The following URB1 variants were observed in gnomAD, a reference collection of about 807,000 sequenced individuals.
The protein encoded by URB1 is URB1 ribosome biogenesis factor.
Under a neutral mutation model 242.3 loss-of-function variants are expected in URB1, and 197 were observed. The observed-to-expected ratio is 0.81, with a 90% CI of 0.72 to 0.91. The LOEUF (loss-of-function observed/expected upper bound fraction) is 0.91. Among genes scored for constraint, URB1 ranks in the 40% least tolerant of loss-of-function variants. The probability of loss-of-function intolerance (pLI) is 0.00; values close to 1 mark genes in which losing one functional copy is unlikely to be tolerated. For missense variants in URB1, 2,721 were observed against 2,860.5 expected (o/e 0.95, Z 1.11); for synonymous variants, 1,153 against 1,201.8 (o/e 0.96, Z 0.84).
chr21:32,344,525 T>C (rs935147790), intron 24 of URB1, 45 bp downstream of exon 24: 19 of 1,539,744 alleles, frequency 1.2e-5, no homozygotes, highest in Non-Finnish European at 1.6e-5. Flanking sequence ...TAGCATACTC[T>C]TTCCCACAGA....
chr21:32,340,089 T>C (rs1002296505), intron 25 of URB1, among the ~76,000 whole-genome samples: 7 of 152,190 alleles, frequency 4.6e-5, no homozygotes, highest in African/African-American at 1.7e-4. Flanking sequence ...GAAAGAAATA[T>C]CATAATTCTG....
intron 5 of URB1, among the ~76,000 whole-genome samples, chr21:32,375,805 G>A (rs576576866): frequency 6.6e-5 from 10 of 152,040 alleles, no homozygotes; most frequent in African/African-American, 2.2e-4. Flanking sequence ...AATTAGCTGG[G>A]TATGGTGGTG....
intron 15 of URB1, 30 bp downstream of exon 15, chr21:32,357,507 C>T: frequency 1.4e-6 from 2 of 1,471,644 alleles, no homozygotes; most frequent in Non-Finnish European, 9.0e-7. Context: ...AAATGCTTTT[C>T]AGAGTTAGAA....
chr21:32,368,430 C>T lies in URB1; in HGVS notation c.1170G>A (p.Trp390Ter), dbSNP rs554977626. The change falls in exon 9 of 39, where the codon TGG becomes TGA. Residue 390 changes from tryptophan to a stop codon, truncating the protein, a stop_gained. Coordinates refer to ENST00000382751, the MANE Select transcript of URB1 (RefSeq NM_014825.3). LOFTEE classifies it high-confidence loss of function. Reference sequence around the variant, plus strand: ...TGTTTAGTAGTTTGATATTATTTAACCAAGTAGACTTCGCTCGTGGGATAA... The same window carrying T: ...TGTTTAGTAGTTTGATATTATTTAATCAAGTAGACTTCGCTCGTGGGATAA... ...FSFIPRAKST[W>*]LNNIKLLNKI... 1.1e-4 allele frequency: 170 copies of T among 1,548,102 alleles called. No homozygotes were observed. Among genetic ancestry groups the T allele is most frequent in the Non-Finnish European group, 1.4e-4 (165 of 1,145,808 alleles).
At chr21:32,368,053 GC>G (rs917467106) in intron 9 of URB1, among the ~76,000 whole-genome samples, 4 of 152,130 alleles carry the variant, frequency 2.6e-5, no homozygotes, top group African/African-American at 9.6e-5. Context: ...AACTCCCTAT[GC>G]CCCCCTACCT....
At chr21:32,372,398 T>C (rs1791256051) in intron 8 of URB1, 109 bp downstream of exon 8, 6 of 1,364,176 alleles carry the variant, frequency 4.4e-6, no homozygotes, top group Non-Finnish European at 5.8e-6. Context: ...AGTTAGATAA[T>C]GTCCACAATT....
intron 1 of URB1, 90 bp from the exon 2 acceptor site, chr21:32,385,774 T>G: frequency 2.7e-6 from 4 of 1,487,566 alleles, no homozygotes; most frequent in Non-Finnish European, 3.6e-6. Flanking sequence ...CCCTATTCTG[T>G]GACCTTCCCC....
At position 32,347,079 on chromosome 21, in the gene URB1, C is replaced by G. The variant is rs776416677; in HGVS notation, c.3745G>C (p.Glu1249Gln). 2 of 1,550,440 alleles carry G rather than the reference C, an allele frequency of 1.3e-6. No individual in the cohort carries two copies. The highest frequency in any genetic ancestry group is 1.2e-5 in the South Asian group (1 of 84,002). ...GGGCCAGCCTGCAGGCACCACTGCT[C>G]GAACCACAGCAAGTGGGTGCAGCTC... ...QESCTHLLWF[E>Q]QWCLQAGPGL... Residue 1249 changes from glutamate to glutamine, a missense_variant, in exon 22 of 39, where the codon GAG becomes CAG. Transcript: ENST00000382751.
chr21:32,315,859 C>A (rs926128187), intron 38 of URB1, among the ~76,000 whole-genome samples: 11 of 152,172 alleles, frequency 7.2e-5, no homozygotes, highest in Non-Finnish European at 1.3e-4. Context: ...AGGCTGCCAG[C>A]CCCTCCCTCC....
rs745892630 is a variant in URB1 at position 32,353,940 on chromosome 21, A to G, written c.2409T>C (p.Asn803=). The part of the protein sequence containing the change: ...ARNKLLLGTG[N]EAAENVVTYL... ...CTGACTATACATAGGTACCTGCTTC[A>G]TTGCCTGTCCCAAGGAGCAACTTAT... The change falls in exon 18 of 39, where the codon AAT becomes AAC. Residue 803 remains asparagine, a synonymous_variant. Transcript: ENST00000382751. 8.4e-6 allele frequency: 13 copies of G among 1,551,580 alleles called. No individual in the cohort carries two copies. Among genetic ancestry groups the G allele is most frequent in the African/African-American group, 1.4e-5 (1 of 73,030 alleles).
chr21:32,323,240 T>A (rs1417122212), intron 32 of URB1, among the ~76,000 whole-genome samples: 1 of 152,170 alleles, frequency 6.6e-6, no homozygotes, highest in African/African-American at 2.4e-5. Flanking sequence ...ATCCATGGAA[T>A]AAAATGAAAT....
intron 1 of URB1, among the ~76,000 whole-genome samples, chr21:32,386,840 T>TAC (rs1555842933): frequency 6.6e-6 from 1 of 152,112 alleles, no homozygotes; most frequent in Non-Finnish European, 1.5e-5. Context: ...TGTCCAAAGG[T>TAC]ACACAGCTTA....
chr21:32,323,158 A>G (rs1375296090), intron 32 of URB1, among the ~76,000 whole-genome samples: 1 of 152,240 alleles, frequency 6.6e-6, no homozygotes, highest in African/African-American at 2.4e-5. Flanking sequence ...GGACACAGCC[A>G]CACCCAGGAC....
At chr21:32,344,258 CA>C (rs2033061013) in intron 24 of URB1, among the ~76,000 whole-genome samples, 1 of 152,146 alleles carries the variant, frequency 6.6e-6, no homozygotes, top group Non-Finnish European at 1.5e-5. Flanking sequence ...GTTTAACATT[CA>C]AAAATTTGTT....
At chr21:32,389,449 G>C (rs2033616088) in intron 1 of URB1, among the ~76,000 whole-genome samples, 1 of 152,176 alleles carries the variant, frequency 6.6e-6, no homozygotes, top group Non-Finnish European at 1.5e-5. Context: ...ACACAGCACG[G>C]GCTGCAGGGA....
At chr21:32,337,547 G>C (rs1347347808) in intron 26 of URB1, 33 bp from the exon 27 acceptor site, 3 of 1,529,640 alleles carry the variant, frequency 2.0e-6, no homozygotes, top group Non-Finnish European at 2.7e-6. Flanking sequence ...CACATGGCAT[G>C]GTGGGGCAGA....
chr21:32,357,960 C>T (rs934367873), intron 14 of URB1, among the ~76,000 whole-genome samples: 2 of 152,172 alleles, frequency 1.3e-5, no homozygotes, highest in African/African-American at 4.8e-5. Context: ...ACCCAGGAGG[C>T]AGATGTTGCA....
At chr21:32,332,061 A>T (rs1251207695) in intron 30 of URB1, among the ~76,000 whole-genome samples, 6 of 152,242 alleles carry the variant, frequency 3.9e-5, no homozygotes, top group African/African-American at 1.2e-4. Flanking sequence ...AACAGTCACA[A>T]GCGGGACAGA....
At chr21:32,334,994 C>T (rs1404539478) in intron 28 of URB1, among the ~76,000 whole-genome samples, 1 of 152,186 alleles carries the variant, frequency 6.6e-6, no homozygotes, top group East Asian at 1.9e-4. Context: ...CTCTCCTCCT[C>T]CCTCCCCCAT....
Sources: gnomAD v4.1 joint callset for allele counts (sites outside exome capture counted in the v4.1 genomes callset) on GRCh38, gnomAD v4.1.1 for gene constraint, MANE v1.5 for transcripts, NCBI Gene and HGNC (gene_info 2026-07-23, HGNC 2026-07-21) for gene names.